The following CNTNAP4 variants were observed in gnomAD, a reference collection of about 807,000 sequenced individuals.
CNTNAP4 encodes the protein contactin-associated protein-like 4.
A neutral mutation model predicts 148.4 loss-of-function variants in CNTNAP4; 98 were observed. That is an observed-to-expected ratio of 0.66 (90% CI 0.56 to 0.78). The LOEUF is 0.78. CNTNAP4 is among the 30% of genes least tolerant of loss of function. CNTNAP4 has a pLI of 0.00. For missense variants in CNTNAP4, 1,935 were observed against 1,565.6 expected, an observed-to-expected ratio of 1.24 and a Z score of -3.98; for synonymous variants, 730 against 565.1, an observed-to-expected ratio of 1.29 and a Z score of -4.14.
At chr16:76,364,229 A>G (rs4447457) in intron 3 of CNTNAP4, among the ~76,000 whole-genome samples, 2 of 97,270 alleles carry the variant, frequency 2.1e-5, no homozygotes, top group Non-Finnish European at 2.0e-5. Context: ...GCGAGATTCC[A>G]TCTCAAAAAA....
At chr16:76,518,932 T>C (rs529592244) in intron 15 of CNTNAP4, among the ~76,000 whole-genome samples, 22 of 152,284 alleles carry the variant, frequency 1.4e-4, no homozygotes, top group African/African-American at 2.6e-4. Context: ...ACCTAATCCA[T>C]AGAATGCTGT....
At chr16:76,488,557 G>A (rs1220503392) in intron 12 of CNTNAP4, among the ~76,000 whole-genome samples, 1 of 152,106 alleles carries the variant, frequency 6.6e-6, no homozygotes, top group Non-Finnish European at 1.5e-5. Context: ...TGATCCATGT[G>A]AATGTCTTAG....
chr16:76,555,900 A>G (rs914500439), intron 23 of CNTNAP4, among the ~76,000 whole-genome samples: 4 of 152,148 alleles, frequency 2.6e-5, no homozygotes, highest in African/African-American at 9.7e-5. Flanking sequence ...AGCATCTGGT[A>G]ATGGCCATGT....
chr16:76,391,230 C>A (rs540050996), intron 3 of CNTNAP4, among the ~76,000 whole-genome samples: 2 of 152,086 alleles, frequency 1.3e-5, no homozygotes, highest in African/African-American at 2.4e-5. Flanking sequence ...AGATTTCTCC[C>A]GCTCCTTTGC....
chr16:76,278,124 G>A (rs1360366710), intron 1 of CNTNAP4, among the ~76,000 whole-genome samples: 1 of 152,122 alleles, frequency 6.6e-6, no homozygotes, highest in Admixed American at 6.5e-5. Flanking sequence ...TGTCTAAGAG[G>A]AAAACAACTG....
At chr16:76,495,199 AAACGTGGTGTAGTCAATAT>A in intron 14 of CNTNAP4, 133 bp downstream of exon 14, 1 of 977,384 alleles carries the variant, frequency 1.0e-6, no homozygotes, top group East Asian at 2.5e-5. Flanking sequence ...TGTTTTAATG[AAACGTGGTGTAGTCAATAT>A]AATCGTTAGT....
intron 9 of CNTNAP4, among the ~76,000 whole-genome samples, chr16:76,466,799 A>T (rs996016289): frequency 6.6e-6 from 1 of 152,162 alleles, no homozygotes; most frequent in African/African-American, 2.4e-5. Flanking sequence ...AAGACTTACT[A>T]AAATCCTTGT....
At chr16:76,543,893 T>A (rs2084574719) in intron 21 of CNTNAP4, among the ~76,000 whole-genome samples, 1 of 152,124 alleles carries the variant, frequency 6.6e-6, no homozygotes, top group Non-Finnish European at 1.5e-5. Flanking sequence ...TTATCAAATA[T>A]GTTTTGCATT....
At chr16:76,381,853 G>A (rs1002010662) in intron 3 of CNTNAP4, among the ~76,000 whole-genome samples, 2 of 152,214 alleles carry the variant, frequency 1.3e-5, no homozygotes, top group African/African-American at 4.8e-5. Context: ...GAGATCAGGA[G>A]ATCGAGACCA....
chr16:76,331,410 G>T (rs1017990005), intron 2 of CNTNAP4, among the ~76,000 whole-genome samples: 1 of 151,498 alleles, frequency 6.6e-6, no homozygotes, highest in African/African-American at 2.4e-5. Context: ...GGATGGTCTC[G>T]ATCTCCTGAC....
chr16:76,328,667 T>C lies in CNTNAP4; in HGVS notation c.196+12144T>C, dbSNP rs541090168. Among the ~76,000 whole-genome samples, 3 of 152,126 alleles carry C rather than the reference T, an allele frequency of 2.0e-5. No homozygotes were observed. In the South Asian group the frequency reaches 6.2e-4, roughly 32 times the overall value. On this transcript the variant is annotated intron_variant, in intron 2 of 23. Coordinates refer to ENST00000611870, the MANE Select transcript of CNTNAP4 (RefSeq NM_033401.5). ...GTAAGGTGTGTTTTTTTTTTTGAGA[T>C]GGAGGTTTGCTCTTGTTTCCCATGC...
chr16:76,395,020 C>A (rs1214010156), intron 3 of CNTNAP4, among the ~76,000 whole-genome samples: 1 of 152,042 alleles, frequency 6.6e-6, no homozygotes, highest in East Asian at 1.9e-4. Context: ...GGGACCAGAG[C>A]CCTTAAACAT....
chr16:76,494,786 C>A, intron 13 of CNTNAP4, 124 bp from the exon 14 acceptor site: 1 of 1,050,166 alleles, frequency 9.5e-7, no homozygotes, highest in Non-Finnish European at 1.4e-6. Context: ...TCCTTAAATC[C>A]AATCAATCTT....
intron 1 of CNTNAP4, among the ~76,000 whole-genome samples, chr16:76,313,094 T>C (rs1961316248): frequency 6.6e-6 from 1 of 152,154 alleles, no homozygotes; most frequent in Non-Finnish European, 1.5e-5. Context: ...ATATTACATG[T>C]CTTTCTCCCC....
At chr16:76,368,497 A>G (rs1488454706) in intron 3 of CNTNAP4, among the ~76,000 whole-genome samples, 1 of 152,196 alleles carries the variant, frequency 6.6e-6, no homozygotes, top group African/African-American at 2.4e-5. Context: ...ATGCAGCCCT[A>G]AAAAATGAGT....
At chr16:76,349,966 A>G (rs1010430805) in intron 2 of CNTNAP4, among the ~76,000 whole-genome samples, 1 of 152,076 alleles carries the variant, frequency 6.6e-6, no homozygotes, top group African/African-American at 2.4e-5. Flanking sequence ...TTAAAGCTCC[A>G]ACTAAGAGTA....
intron 1 of CNTNAP4, 32 bp downstream of exon 1, chr16:76,277,779 TG>T (rs1958535035): frequency 2.2e-6 from 3 of 1,339,674 alleles, no homozygotes; most frequent in Non-Finnish European, 3.2e-6. Context: ...TAAAACTTGC[TG>T]GGGGGCTCTC....
chr16:76,286,781 G>A (rs1032934428), intron 1 of CNTNAP4, among the ~76,000 whole-genome samples: 2 of 152,086 alleles, frequency 1.3e-5, no homozygotes. Flanking sequence ...TTATGTCCAA[G>A]GCAGAAAGCT....
chr16:76,416,638 G>T (rs1357244183), intron 3 of CNTNAP4, among the ~76,000 whole-genome samples: 1 of 151,468 alleles, frequency 6.6e-6, no homozygotes, highest in Non-Finnish European at 1.5e-5. Flanking sequence ...AAATTTGCAA[G>T]AGTGTGTTTT....
Sources: gnomAD v4.1 joint callset for allele counts (sites outside exome capture counted in the v4.1 genomes callset) on GRCh38, gnomAD v4.1.1 for gene constraint, MANE v1.5 for transcripts, NCBI Gene and HGNC (gene_info 2026-07-23, HGNC 2026-07-21) for gene names.